Variants in KCNH5 observed in about 807,000 individuals in gnomAD.
The protein encoded by KCNH5 is voltage-gated delayed rectifier potassium channel KCNH5.
In KCNH5, 46 loss-of-function variants were observed where a neutral mutation model predicts 96.1. The observed-to-expected ratio is 0.48, with a 90% CI of 0.38 to 0.61. The LOEUF (loss-of-function observed/expected upper bound fraction) is 0.61. KCNH5 is among the 20% of genes least tolerant of loss of function. The pLI is 0.00. For missense variants in KCNH5, 907 were observed against 1,225.8 expected, an observed-to-expected ratio of 0.74 and a Z score of 3.88; for synonymous variants, 439 against 449.8, an observed-to-expected ratio of 0.98 and a Z score of 0.30.
At chr14:62,768,753 G>A (rs1885920361) in intron 10 of KCNH5, among the ~76,000 whole-genome samples, 2 of 152,090 alleles carry the variant, frequency 1.3e-5, no homozygotes, top group South Asian at 4.1e-4. Flanking sequence ...AGAAGAGCTG[G>A]CAAAGAACAG....
intron 7 of KCNH5, among the ~76,000 whole-genome samples, chr14:62,853,481 C>G (rs10151186): frequency 0.099 from 4,062 of 41,102 alleles, 308 homozygotes; most frequent in African/African-American, 0.33. Flanking sequence ...ATATATATAT[C>G]ATATATATAT....
intron 4 of KCNH5, among the ~76,000 whole-genome samples, chr14:62,992,069 AT>A (rs1462718412): frequency 6.6e-6 from 1 of 151,946 alleles, no homozygotes; most frequent in Non-Finnish European, 1.5e-5. Flanking sequence ...TATGAGTGAG[AT>A]TATTTGATAT....
At chr14:62,956,672 TA>T in intron 6 of KCNH5, among the ~76,000 whole-genome samples, 1 of 152,050 alleles carries the variant, frequency 6.6e-6, no homozygotes, top group South Asian at 2.1e-4. Flanking sequence ...GTATCTAAAA[TA>T]AGAGATTTTC....
At chr14:62,850,486 A>G (rs1022887199) in intron 7 of KCNH5, among the ~76,000 whole-genome samples, 1 of 152,166 alleles carries the variant, frequency 6.6e-6, no homozygotes, top group African/African-American at 2.4e-5. Context: ...AATTCATGTA[A>G]TTATTCCAGT....
chr14:62,971,250 C>A (rs1890401611), intron 6 of KCNH5, among the ~76,000 whole-genome samples: 1 of 152,042 alleles, frequency 6.6e-6, no homozygotes, highest in Non-Finnish European at 1.5e-5. Context: ...AAATAAAAAA[C>A]CATAATGCCA....
At position 62,711,658 on chromosome 14, in the gene KCNH5, T is replaced by C. The variant is rs564821575; in HGVS notation, c.2020-3203A>G. ...GCCAGCAATGCACAGCGGAAAAACA[T>C]GCTCTTTAGAGAGCCAAAGTTCCCC... is the stretch of plus-strand genomic sequence containing the variant. On this transcript the variant is annotated intron_variant, in intron 10 of 10. Transcript: ENST00000322893. Among the ~76,000 whole-genome samples the C allele has an allele frequency of 7.9e-5, 12 of 152,302 alleles. No individual in the cohort carries two copies. The South Asian group carries it at 1.0e-3, about 13-fold the overall frequency.
At chr14:62,835,274 T>C (rs1466962002) in intron 8 of KCNH5, among the ~76,000 whole-genome samples, 1 of 151,994 alleles carries the variant, frequency 6.6e-6, no homozygotes, top group East Asian at 1.9e-4. Context: ...TCTTTTTACA[T>C]TGATTTTCAT....
At chr14:62,874,537 A>C (rs942964916) in intron 7 of KCNH5, among the ~76,000 whole-genome samples, 3 of 152,208 alleles carry the variant, frequency 2.0e-5, no homozygotes, top group African/African-American at 7.2e-5. Context: ...CTGGTTCAAT[A>C]TACGCAAATC....
At chr14:62,842,322 G>A (rs1295411094) in intron 8 of KCNH5, among the ~76,000 whole-genome samples, 2 of 152,048 alleles carry the variant, frequency 1.3e-5, no homozygotes, top group Non-Finnish European at 2.9e-5. Flanking sequence ...TGTGATACGT[G>A]AAACGAAAAA....
chr14:62,976,872 C>T (rs1003803077), intron 6 of KCNH5, among the ~76,000 whole-genome samples: 1 of 151,960 alleles, frequency 6.6e-6, no homozygotes, highest in Admixed American at 6.6e-5. Context: ...AAAATGATAT[C>T]GATAGAATAC....
At chr14:63,036,538 T>G (rs764129004) in intron 1 of KCNH5, among the ~76,000 whole-genome samples, 1 of 147,602 alleles carries the variant, frequency 6.8e-6, no homozygotes, top group African/African-American at 2.5e-5. Flanking sequence ...CAAAAGCAAA[T>G]AAATTCTATT....
At chr14:62,843,715 A>ATTTGTCGG (rs1345121342) in intron 8 of KCNH5, among the ~76,000 whole-genome samples, 1 of 152,112 alleles carries the variant, frequency 6.6e-6, no homozygotes, top group African/African-American at 2.4e-5. Context: ...CGGCCCCTAC[A>ATTTGTCGG]TGGCTTTTAA....
chr14:63,014,295 C>G (rs921738633), intron 2 of KCNH5, among the ~76,000 whole-genome samples: 1 of 152,098 alleles, frequency 6.6e-6, no homozygotes, highest in East Asian at 1.9e-4. Flanking sequence ...CATGTGAGAC[C>G]TAGGTTACGG....
chr14:62,857,767 C>T (rs920378487), intron 7 of KCNH5, among the ~76,000 whole-genome samples: 5 of 152,152 alleles, frequency 3.3e-5, no homozygotes, highest in African/African-American at 4.8e-5. Flanking sequence ...TCCACTGACT[C>T]AAATGTTAAA....
intron 9 of KCNH5, among the ~76,000 whole-genome samples, chr14:62,799,767 T>C (rs909962079): frequency 7.3e-6 from 1 of 136,918 alleles, no homozygotes; most frequent in Non-Finnish European, 1.6e-5. Flanking sequence ...GAAGGGATTA[T>C]ATATTTAATA....
intron 7 of KCNH5, among the ~76,000 whole-genome samples, chr14:62,901,073 C>T (rs999445819): frequency 2.0e-4 from 30 of 152,232 alleles, no homozygotes; most frequent in African/African-American, 7.0e-4. Context: ...AATACAACCT[C>T]CGCCTCCCCG....
At chr14:62,906,641 T>G (rs1419471638) in intron 7 of KCNH5, among the ~76,000 whole-genome samples, 1 of 152,210 alleles carries the variant, frequency 6.6e-6, no homozygotes, top group Non-Finnish European at 1.5e-5. Context: ...TAATTGATAT[T>G]GTTAAATTCA....
intron 10 of KCNH5, among the ~76,000 whole-genome samples, chr14:62,719,464 T>C (rs1214071751): frequency 6.6e-6 from 1 of 152,202 alleles, no homozygotes; most frequent in African/African-American, 2.4e-5. Context: ...CGAATTAAAT[T>C]GAAAGGAGTT....
At position 62,950,577 on chromosome 14, in the gene KCNH5, A is replaced by C. The variant is rs541748886; in HGVS notation, c.943-18T>G. On this transcript the variant is annotated intron_variant, in intron 6 of 10. Coordinates refer to ENST00000322893, the MANE Select transcript of KCNH5 (RefSeq NM_139318.5). ...CTGATTCCCTGGATTTAAAAAAAAA[A>C]AAAAAATTACACCACATTTTCAGGA... is the stretch of plus-strand genomic sequence containing the variant. The C allele has an allele frequency of 9.6e-5, 147 of 1,524,284 alleles. 1 individual carries two copies. In the African/African-American group the frequency reaches 1.8e-3, roughly 18 times the overall value. The allele number at this position is 1,524,284 out of a possible 1,614,324, so 94.4% of individuals were successfully genotyped here. A position where few individuals can be genotyped will look rare whatever the true frequency, so the allele number is the denominator to read the frequency against.
Sources: gnomAD v4.1 joint callset for allele counts (sites outside exome capture counted in the v4.1 genomes callset) on GRCh38, gnomAD v4.1.1 for gene constraint, MANE v1.5 for transcripts, NCBI Gene and HGNC (gene_info 2026-07-23, HGNC 2026-07-21) for gene names.